Variants in SDC2 observed in about 807,000 individuals in gnomAD.
The protein encoded by SDC2 is syndecan 2.
In SDC2, 13 loss-of-function variants were observed where a neutral mutation model predicts 22.2. The observed-to-expected ratio is 0.59, with a 90% CI of 0.38 to 0.93. The LOEUF is 0.93. Among genes scored for constraint, SDC2 ranks in the 40% least tolerant of loss-of-function variants. The pLI is 0.00. For synonymous variants in SDC2, 94 were observed against 92.8 expected, an observed-to-expected ratio of 1.01 and a Z score of -0.07; for missense variants, 235 against 246.8, an observed-to-expected ratio of 0.95 and a Z score of 0.32.
chr8:96,565,147 C>CGAT (rs1393284511), intron 1 of SDC2, among the ~76,000 whole-genome samples: 13 of 98,670 alleles, frequency 1.3e-4, no homozygotes. Flanking sequence ...GTGCAGTGTA[C>CGAT]GATCTCGGCT....
chr8:96,500,427 C>T (rs1554598542), intron 1 of SDC2, among the ~76,000 whole-genome samples: 1 of 151,808 alleles, frequency 6.6e-6, no homozygotes, highest in Non-Finnish European at 1.5e-5. Context: ...TTTGGGAGGC[C>T]GAGGTGGGCC....
At chr8:96,605,303 T>G (rs1339938802) in intron 3 of SDC2, among the ~76,000 whole-genome samples, 1 of 152,226 alleles carries the variant, frequency 6.6e-6, no homozygotes, top group African/African-American at 2.4e-5. Flanking sequence ...ACCTGAGTAT[T>G]CACCTATTTG....
intron 1 of SDC2, among the ~76,000 whole-genome samples, chr8:96,563,110 G>A (rs940168534): frequency 2.6e-5 from 4 of 152,136 alleles, no homozygotes; most frequent in African/African-American, 9.7e-5. Context: ...AGACACCTCA[G>A]CGAGGTGACT....
chr8:96,535,165 C>T (rs746387402), intron 1 of SDC2, among the ~76,000 whole-genome samples: 3 of 152,090 alleles, frequency 2.0e-5, no homozygotes, highest in African/African-American at 4.8e-5. Context: ...TGTGCCACCA[C>T]GCCCAGCTAA....
At chr8:96,520,728 A>G (rs1813483556) in intron 1 of SDC2, among the ~76,000 whole-genome samples, 1 of 152,210 alleles carries the variant, frequency 6.6e-6, no homozygotes, top group African/African-American at 2.4e-5. Context: ...TGTGAGAGAA[A>G]GAGGAGGTCT....
At chr8:96,573,184 AT>A (rs1472403167) in intron 1 of SDC2, among the ~76,000 whole-genome samples, 1 of 152,054 alleles carries the variant, frequency 6.6e-6, no homozygotes, top group African/African-American at 2.4e-5. Flanking sequence ...TTCATGTGAA[AT>A]TTGGGAGATG....
At chr8:96,559,991 A>G (rs1814181728) in intron 1 of SDC2, among the ~76,000 whole-genome samples, 2 of 152,168 alleles carry the variant, frequency 1.3e-5, no homozygotes, top group African/African-American at 4.8e-5. Context: ...GTAAAATGTA[A>G]TTTACATACC....
intron 1 of SDC2, among the ~76,000 whole-genome samples, chr8:96,558,362 G>A (rs542044052): frequency 1.3e-5 from 2 of 152,226 alleles, no homozygotes; most frequent in South Asian, 2.1e-4. Context: ...CAGCTGATAG[G>A]CCTTCATGGA....
chr8:96,501,128 G>GT (rs889163020), intron 1 of SDC2, among the ~76,000 whole-genome samples: 18 of 150,574 alleles, frequency 1.2e-4, no homozygotes, highest in East Asian at 3.9e-4. Flanking sequence ...GCATTTTGGT[G>GT]TTTTTTTTTA....
At chr8:96,606,786 C>T (rs1815087442) in intron 3 of SDC2, among the ~76,000 whole-genome samples, 1 of 152,098 alleles carries the variant, frequency 6.6e-6, no homozygotes, top group African/African-American at 2.4e-5. Context: ...GTAAATAATC[C>T]TGGGGGTTTA....
At chr8:96,503,308 ATAGAG>A (rs1360911872) in intron 1 of SDC2, among the ~76,000 whole-genome samples, 2 of 152,256 alleles carry the variant, frequency 1.3e-5, no homozygotes, top group Non-Finnish European at 2.9e-5. Context: ...GTGTACAATA[ATAGAG>A]TAATTGTTAA....
intron 3 of SDC2, among the ~76,000 whole-genome samples, chr8:96,603,379 C>G (rs1413047743): frequency 2.0e-5 from 3 of 152,178 alleles, no homozygotes; most frequent in African/African-American, 4.8e-5. Flanking sequence ...AGAGACCAAG[C>G]CAATTCACCA....
intron 3 of SDC2, among the ~76,000 whole-genome samples, chr8:96,604,130 C>A (rs1365657135): frequency 6.6e-6 from 1 of 152,128 alleles, no homozygotes; most frequent in South Asian, 2.1e-4. Flanking sequence ...GACTCACTAG[C>A]TTGAGGGAAG....
At chr8:96,547,264 A>G (rs561669325) in intron 1 of SDC2, among the ~76,000 whole-genome samples, 1 of 152,326 alleles carries the variant, frequency 6.6e-6, no homozygotes, top group South Asian at 2.1e-4. Context: ...TGAAAGGTCT[A>G]CTTGCATGTC....
chr8:96,531,531 A>G (rs1813661172), intron 1 of SDC2, among the ~76,000 whole-genome samples: 1 of 152,228 alleles, frequency 6.6e-6, no homozygotes, highest in Admixed American at 6.5e-5. Context: ...TTATTTACAC[A>G]AAGAATGTAC....
At chr8:96,559,345 G>A (rs988028194) in intron 1 of SDC2, among the ~76,000 whole-genome samples, 1 of 152,196 alleles carries the variant, frequency 6.6e-6, no homozygotes, top group Non-Finnish European at 1.5e-5. Context: ...AGTGAAGAGG[G>A]TGACCGACCT....
chr8:96,582,448 A>G (rs541090346), intron 1 of SDC2, among the ~76,000 whole-genome samples: 1 of 152,184 alleles, frequency 6.6e-6, no homozygotes, highest in Non-Finnish European at 1.5e-5. Context: ...CGTCAGCTTT[A>G]GATTTATTCC....
At chr8:96,562,844 G>A (rs989361046) in intron 1 of SDC2, among the ~76,000 whole-genome samples, 21 of 152,256 alleles carry the variant, frequency 1.4e-4, no homozygotes, top group Non-Finnish European at 2.1e-4. Flanking sequence ...GGACTTGGAT[G>A]GTTCTCCTGT....
At chr8:96,604,580 C>G (rs571071234) in intron 3 of SDC2, among the ~76,000 whole-genome samples, 17 of 152,204 alleles carry the variant, frequency 1.1e-4, no homozygotes, top group Admixed American at 8.5e-4. Flanking sequence ...CTCTAGGATA[C>G]CATTAGTGTA....
Sources: gnomAD v4.1 joint callset for allele counts (sites outside exome capture counted in the v4.1 genomes callset) on GRCh38, gnomAD v4.1.1 for gene constraint, MANE v1.5 for transcripts, NCBI Gene and HGNC (gene_info 2026-07-23, HGNC 2026-07-21) for gene names.